PPARGC1B: variants seen among roughly 807,000 people sequenced by gnomAD.
The protein encoded by PPARGC1B is PPARG coactivator 1 beta, also known as peroxisome proliferator-activated receptor gamma coactivator 1-beta.
In PPARGC1B, 34 loss-of-function variants were observed where a neutral mutation model predicts 101.6. The ratio of observed to expected loss-of-function variants is 0.33; its 90% CI spans 0.25 to 0.45. PPARGC1B has a LOEUF of 0.45. Ranked by LOEUF, PPARGC1B falls within the 20% of genes least tolerant of loss-of-function variation. The pLI, the probability that PPARGC1B is intolerant of heterozygous loss-of-function variation, is 1.00. For synonymous variants in PPARGC1B, 548 were observed against 539.3 expected, an observed-to-expected ratio of 1.02 and a Z score of -0.22; for missense variants, 1,234 against 1,317.6, an observed-to-expected ratio of 0.94 and a Z score of 0.98.
At chr5:149,830,915 A>T in intron 4 of PPARGC1B, 32 bp downstream of exon 4, 1 of 1,474,746 alleles carries the variant, frequency 6.8e-7, no homozygotes, top group South Asian at 1.1e-5. Flanking sequence ...AATCTACCCC[A>T]GGTGTCTGTT....
chr5:149,792,884 A>G (rs1757073321), intron 1 of PPARGC1B, among the ~76,000 whole-genome samples: 1 of 152,076 alleles, frequency 6.6e-6, no homozygotes, highest in African/African-American at 2.4e-5. Flanking sequence ...TCTTCCTTGT[A>G]TGGAAAAAAT....
At chr5:149,750,889 A>G (rs1755275669) in intron 1 of PPARGC1B, among the ~76,000 whole-genome samples, 1 of 152,252 alleles carries the variant, frequency 6.6e-6, no homozygotes, top group Non-Finnish European at 1.5e-5. Flanking sequence ...CCTGGAAGAC[A>G]GGATCTGTGT....
chr5:149,755,072 T>TATATATATATAA (rs1183883268), intron 1 of PPARGC1B, among the ~76,000 whole-genome samples: 2 of 146,124 alleles, frequency 1.4e-5, no homozygotes, highest in Non-Finnish European at 3.0e-5. Context: ...TATATATATA[T>TATATATATATAA]AATTTTTTTT....
At chr5:149,768,724 C>A (rs1756013614) in intron 1 of PPARGC1B, among the ~76,000 whole-genome samples, 1 of 151,938 alleles carries the variant, frequency 6.6e-6, no homozygotes, top group Non-Finnish European at 1.5e-5. Flanking sequence ...CCATGTTGGC[C>A]AGGCTGGTAT....
intron 1 of PPARGC1B, among the ~76,000 whole-genome samples, chr5:149,793,269 T>G (rs1231543120): frequency 6.6e-6 from 1 of 152,044 alleles, no homozygotes; most frequent in African/African-American, 2.4e-5. Context: ...AAGGAGTGAT[T>G]TCTGCTTACT....
chr5:149,816,164 G>A lies in PPARGC1B; in HGVS notation c.79-4269G>A, dbSNP rs1235835742. ...CCAGAGAAATCACTATTAATGTGGC[G>A]CTTAATGGTTTTTAGCTAGAGAGTG... On this transcript the variant is annotated intron_variant, in intron 1 of 11. Coordinates refer to ENST00000309241, the MANE Select transcript of PPARGC1B (RefSeq NM_133263.4). Among the ~76,000 whole-genome samples the A allele has an allele frequency of 3.9e-5, 6 of 152,344 alleles. No homozygotes were observed. In the East Asian group the frequency reaches 5.8e-4, roughly 15 times the overall value.
chr5:149,819,368 T>C (rs1402113901), intron 1 of PPARGC1B, among the ~76,000 whole-genome samples: 1 of 152,232 alleles, frequency 6.6e-6, no homozygotes, highest in Non-Finnish European at 1.5e-5. Flanking sequence ...GGGGTTATAT[T>C]TTACATGCTG....
At chr5:149,804,056 G>A (rs1366053729) in intron 1 of PPARGC1B, among the ~76,000 whole-genome samples, 1 of 152,226 alleles carries the variant, frequency 6.6e-6, no homozygotes, top group East Asian at 1.9e-4. Flanking sequence ...TGACCCACTG[G>A]AAAAGGAAAG....
intron 1 of PPARGC1B, among the ~76,000 whole-genome samples, chr5:149,777,761 A>G (rs1756420084): frequency 6.6e-6 from 1 of 150,926 alleles, no homozygotes; most frequent in African/African-American, 2.4e-5. Context: ...ACTTGGAAGT[A>G]GAGATTTAAA....
intron 1 of PPARGC1B, among the ~76,000 whole-genome samples, chr5:149,765,235 C>T (rs1201742901): frequency 2.0e-5 from 3 of 152,244 alleles, no homozygotes; most frequent in African/African-American, 7.2e-5. Context: ...ATGTAAGGCT[C>T]ATCGGGACCT....
intron 2 of PPARGC1B, among the ~76,000 whole-genome samples, chr5:149,821,481 G>A (rs1035621483): frequency 9.9e-5 from 15 of 152,190 alleles, no homozygotes; most frequent in African/African-American, 3.4e-4. Flanking sequence ...TGGATTGGCC[G>A]TATTTAGCTG....
At chr5:149,791,730 A>C (rs1198128467) in intron 1 of PPARGC1B, among the ~76,000 whole-genome samples, 2 of 152,176 alleles carry the variant, frequency 1.3e-5, no homozygotes, top group Non-Finnish European at 2.9e-5. Context: ...AAGCTCCTTG[A>C]GTAAAGGAGA....
At chr5:149,827,489 T>G (rs1758577606) in intron 3 of PPARGC1B, among the ~76,000 whole-genome samples, 2 of 152,234 alleles carry the variant, frequency 1.3e-5, no homozygotes, top group East Asian at 3.8e-4. Context: ...GTTTCACTGG[T>G]TCCCCTGTTG....
chr5:149,782,158 T>A (rs1756623294), intron 1 of PPARGC1B, among the ~76,000 whole-genome samples: 3 of 152,120 alleles, frequency 2.0e-5, no homozygotes, highest in Non-Finnish European at 4.4e-5. Context: ...TAGCCTGGCA[T>A]AAGCAAAGGC....
intron 1 of PPARGC1B, among the ~76,000 whole-genome samples, chr5:149,791,740 ACAGT>A (rs767243896): frequency 1.3e-5 from 2 of 152,130 alleles, no homozygotes; most frequent in Non-Finnish European, 2.9e-5. Flanking sequence ...AGTAAAGGAG[ACAGT>A]CAGTCGAGCT....
At chr5:149,809,984 A>C (rs1757790609) in intron 1 of PPARGC1B, among the ~76,000 whole-genome samples, 1 of 152,176 alleles carries the variant, frequency 6.6e-6, no homozygotes, top group Non-Finnish European at 1.5e-5. Context: ...AGGCTCCAGC[A>C]CAGAGGCCCC....
rs1035285685 is a variant in PPARGC1B at position 149,752,743 on chromosome 5, C to T, written c.78+22323C>T. ...ACTTGGGTGGCTGAGGCAGGAGAAT[C>T]GCTTGAACCCGGGAGACGGAGGTTG... On this transcript the variant is annotated intron_variant, in intron 1 of 11. Coordinates refer to ENST00000309241, the MANE Select transcript of PPARGC1B (RefSeq NM_133263.4). 1.6e-4 allele frequency among the ~76,000 whole-genome samples: 24 copies of T among 152,246 alleles called. No homozygotes were observed. In the East Asian group the frequency reaches 2.7e-3, roughly 17 times the overall value.
rs543070440 is a variant in PPARGC1B at position 149,845,747 on chromosome 5, T to C, written c.2817-13T>C. ...CAGCCCAATAACATACTCTCCTTGC[T>C]CCCTCCCCGCAGAGGCGAGAAGTAC... is the stretch of plus-strand genomic sequence containing the variant. On this transcript the variant is annotated splice_polypyrimidine_tract_variant and intron_variant, in intron 10 of 11. Transcript: ENST00000309241. 2 of 1,596,754 alleles carry C rather than the reference T, an allele frequency of 1.3e-6. No individual in the cohort carries two copies. The highest frequency in any genetic ancestry group is 1.7e-5 in the Admixed American group (1 of 58,940).
chr5:149,845,824 G>A lies in PPARGC1B; in HGVS notation c.2881G>A (p.Gly961Ser). The A allele has an allele frequency of 6.2e-7, 1 of 1,614,146 alleles. No individual in the cohort carries two copies. Among genetic ancestry groups the A allele is most frequent in the Non-Finnish European group, 8.5e-7 (1 of 1,180,012 alleles). Residue 961 changes from glycine to serine, a missense_variant, in exon 11 of 12, where the codon GGC becomes AGC. By Grantham distance (56) the Gly-to-Ser change is moderately conservative (BLOSUM62 0). Around this residue, in one of 3 missense-constraint regions of PPARGC1B, gnomAD observed 497 missense variants for 529.5 expected, o/e 0.94. Transcript: ENST00000309241. ...SEHAALSLTK[G>S]AALRKRNEPS... is the part of the protein sequence containing the mutation. ...GCACGCGGCCCTCTCTTTGACAAAG[G>A]GCGCTGCCCTGAGGAAGCGCAACGA... is the stretch of plus-strand genomic sequence containing the variant.
Sources: allele counts gnomAD v4.1 joint callset (sites outside exome capture counted in the v4.1 genomes callset), GRCh38; gene constraint gnomAD v4.1.1; regional missense constraint gnomAD v4.1.1; transcripts MANE v1.5; gene names NCBI Gene and HGNC (gene_info 2026-07-23, HGNC 2026-07-21).